Variants in CD9 observed in about 807,000 individuals in gnomAD.
CD9 encodes CD9 antigen.
In CD9, 10 loss-of-function variants were observed where a neutral mutation model predicts 31.4. The observed-to-expected ratio is 0.32, with a 90% CI of 0.20 to 0.54. The LOEUF (loss-of-function observed/expected upper bound fraction) is 0.54. CD9 is among the 20% of genes least tolerant of loss of function. The pLI is 0.94. For synonymous variants in CD9, 113 were observed against 114.1 expected (o/e 0.99, Z 0.06); for missense variants, 259 against 300.1 (o/e 0.86, Z 1.01).
Position 6,200,479 on chromosome 12 carries a change from C to T in CD9, c.-21C>T. 2.5e-6 allele frequency: 4 copies of T among 1,595,532 alleles called. No homozygotes were observed. The highest frequency in any genetic ancestry group is 3.4e-6 in the Non-Finnish European group (4 of 1,163,936). ...CCCCCAGTCCCGCACCCGTTCGGCC[C>T]AGGCTAAGTTAGCCCTCACCATGCC... On this transcript the variant is annotated 5_prime_UTR_variant, in exon 1 of 8. Coordinates refer to ENST00000009180, the MANE Select transcript of CD9 (RefSeq NM_001769.4).
At chr12:6,234,403 C>A (rs2136638713) in intron 4 of CD9, 1 of 151,740 alleles carries the variant, frequency 6.6e-6, no homozygotes, top group Admixed American at 6.6e-5. Flanking sequence ...GGACTTCCAT[C>A]TGTAACTGAC....
rs780982929 is a variant in CD9 at position 6,200,452 on chromosome 12, G to GC, written c.-42dup. ...GGTCCCGCCAGTCCCAGCTGCGCGC[G>GC]CCCCCCAGTCCCGCACCCGTTCGGC... On this transcript the variant is annotated 5_prime_UTR_variant, in exon 1 of 8. Coordinates refer to ENST00000009180, the MANE Select transcript of CD9 (RefSeq NM_001769.4). 4.7e-6 allele frequency: 6 copies of GC among 1,280,414 alleles called. No individual in the cohort carries two copies. The highest frequency in any genetic ancestry group is 1.5e-5 in the African/African-American group (1 of 67,908). 79.3% of individuals were successfully genotyped at this position (1,280,414 alleles called of 1,614,324 possible). A position where few individuals can be genotyped will look rare whatever the true frequency, so the allele number is the denominator to read the frequency against.
Position 6,232,294 on chromosome 12 carries a change from C to T in CD9, c.176-338C>T. The T allele has an allele frequency of 5.2e-6, 2 of 386,418 alleles. No homozygotes were observed. Among genetic ancestry groups the T allele is most frequent in the Non-Finnish European group, 9.7e-6 (2 of 206,546 alleles). The allele number at this position is 386,418 out of a possible 1,614,324, so 23.9% of individuals were successfully genotyped here. On this transcript the variant is annotated intron_variant, in intron 2 of 7. Transcript: ENST00000009180. This position sits in a 1 kb window ranked among gnomAD's most constrained non-coding sequence, Gnocchi z 4.8. The stretch of plus-strand genomic sequence containing the variant: ...GATTCATCTTGCTGGAAAGAGCTGA[C>T]AGACTGGACCAGTTTGCATTCCGAA...
Position 6,232,949 on chromosome 12 carries a change from A to T in CD9, c.273+220A>T. The T allele has an allele frequency of 1.4e-6, 1 of 702,432 alleles. No homozygotes were observed. The highest frequency in any genetic ancestry group is 2.6e-6 in the Non-Finnish European group (1 of 384,866). 43.5% of individuals were successfully genotyped at this position (702,432 alleles called of 1,614,324 possible). A position where few individuals can be genotyped will look rare whatever the true frequency, so the allele number is the denominator to read the frequency against. On this transcript the variant is annotated intron_variant, in intron 3 of 7. Transcript: ENST00000009180. This position sits in a 1 kb window ranked among gnomAD's most constrained non-coding sequence, Gnocchi z 4.8. ...TCGCTTCCCCTAGGCAACTAAAAGG[A>T]CTATGTTTCCCCCTTTTCTCGAGGA...
chr12:6,220,747 G>T (rs1245323484), intron 1 of CD9, among the ~76,000 whole-genome samples: 2 of 152,148 alleles, frequency 1.3e-5, no homozygotes, highest in Admixed American at 1.3e-4. Flanking sequence ...AATAATTTTA[G>T]ATCTACAGAA....
chr12:6,227,631 C>G (rs1384961224), intron 2 of CD9, among the ~76,000 whole-genome samples: 1 of 152,134 alleles, frequency 6.6e-6, no homozygotes, highest in Non-Finnish European at 1.5e-5. Flanking sequence ...AAACCGAGGC[C>G]TAGAGAGCTG....
At chr12:6,215,262 C>T (rs923708874) in intron 1 of CD9, among the ~76,000 whole-genome samples, 9 of 152,162 alleles carry the variant, frequency 5.9e-5, no homozygotes, top group African/African-American at 2.2e-4. Context: ...TCAGGCTTTT[C>T]GGCACTGGCA....
At chr12:6,229,921 A>G (rs1344075321) in intron 2 of CD9, among the ~76,000 whole-genome samples, 3 of 151,610 alleles carry the variant, frequency 2.0e-5, no homozygotes, top group African/African-American at 7.3e-5. Context: ...AGGCTCTGTG[A>G]TGGATAACTT....
At chr12:6,210,133 C>A (rs1424381124) in intron 1 of CD9, among the ~76,000 whole-genome samples, 1 of 143,434 alleles carries the variant, frequency 7.0e-6, no homozygotes, top group Admixed American at 7.4e-5. Flanking sequence ...CACAGAGAGG[C>A]CTGTGCTGAT....
upstream of CD9, chr12:6,200,394 G>A (rs533854109): frequency 2.0e-5 from 15 of 744,608 alleles, no homozygotes; most frequent in South Asian, 1.5e-4. Flanking sequence ...CCGGAGACCA[G>A]CCTACAGCCG....
intron 1 of CD9, among the ~76,000 whole-genome samples, chr12:6,223,437 A>G (rs568867355): frequency 3.2e-4 from 49 of 151,666 alleles, no homozygotes; most frequent in African/African-American, 9.2e-4. Context: ...AATTTTTTGT[A>G]TTTTTAGTGG....
In CD9 at chr12:6,225,326, G is replaced by C; in HGVS notation, c.67-100G>C. 3 of 765,876 alleles carry C rather than the reference G, an allele frequency of 3.9e-6. No homozygotes were observed. The Admixed American group carries it at 5.5e-5, about 14-fold the overall frequency. 47.4% of individuals were successfully genotyped at this position (765,876 alleles called of 1,614,324 possible). A position where few individuals can be genotyped will look rare whatever the true frequency, so the allele number is the denominator to read the frequency against. On this transcript the variant is annotated intron_variant, in intron 1 of 7. Transcript: ENST00000009180. Reference sequence around the variant, plus strand: ...GCGTATATGAGGGGCAGAGACCAAGGGTGGTCACAAAGTCCTTTGCAAGTC... The same window carrying C: ...GCGTATATGAGGGGCAGAGACCAAGCGTGGTCACAAAGTCCTTTGCAAGTC...
rs1946353442 is a variant in CD9 at position 6,225,515 on chromosome 12, T to C, written c.156T>C (p.Asn52=). 2 of 1,606,848 alleles carry C rather than the reference T, an allele frequency of 1.2e-6. No homozygotes were observed. The highest frequency in any genetic ancestry group is 4.5e-5 in the East Asian group (2 of 44,844). The change falls in exon 2 of 8, where the codon AAT becomes AAC. Residue 52 remains asparagine (N), a synonymous_variant. Transcript: ENST00000009180. ...TCTTCGAGCAAGAAACTAATAATAA[T>C]AATTCCAGCTTCTACACAGGTGAGG... ...KSIFEQETNN[N]NSSFYTGVYI...
intron 1 of CD9, among the ~76,000 whole-genome samples, chr12:6,208,649 G>T (rs946317736): frequency 6.6e-6 from 1 of 151,706 alleles, no homozygotes; most frequent in Admixed American, 6.6e-5. Context: ...GCAGCTCACC[G>T]CAACCTCCGC....
chr12:6,207,670 G>T (rs1223141750), intron 1 of CD9, among the ~76,000 whole-genome samples: 1 of 152,202 alleles, frequency 6.6e-6, no homozygotes, highest in Non-Finnish European at 1.5e-5. Flanking sequence ...AATGTCTCAG[G>T]AGGGATCATT....
chr12:6,221,492 A>G (rs955462706), intron 1 of CD9, among the ~76,000 whole-genome samples: 1 of 152,182 alleles, frequency 6.6e-6, no homozygotes, highest in African/African-American at 2.4e-5. Flanking sequence ...CATCGAAGAA[A>G]TTACATGGTC....
At position 6,236,087 on chromosome 12, in the gene CD9, C is replaced by T. The variant is rs1946518638; in HGVS notation, c.538-105C>T. 3.2e-6 allele frequency: 5 copies of T among 1,540,364 alleles called. No homozygotes were observed. In the Admixed American group the frequency reaches 7.8e-5, roughly 24 times the overall value. On this transcript the variant is annotated intron_variant, in intron 6 of 7. Coordinates refer to ENST00000009180, the MANE Select transcript of CD9 (RefSeq NM_001769.4). ...CCGAACACTCCTGTCCCCAGCCCACCCTCTGCCCACCAGTTCTCCCGGGTG... is the reference window on the plus strand; with the variant it reads ...CCGAACACTCCTGTCCCCAGCCCACTCTCTGCCCACCAGTTCTCCCGGGTG...
chr12:6,216,212 T>G (rs1169287832), intron 1 of CD9, among the ~76,000 whole-genome samples: 1 of 152,222 alleles, frequency 6.6e-6, no homozygotes, highest in Non-Finnish European at 1.5e-5. Flanking sequence ...GACTTGTTTT[T>G]AAATGTTGAA....
At chr12:6,214,344 CT>C (rs71450123) in intron 1 of CD9, among the ~76,000 whole-genome samples, 1,874 of 66,940 alleles carry the variant, frequency 0.028, 12 homozygotes, top group Middle Eastern at 0.05. Flanking sequence ...CCATTAGCCT[CT>C]TTTTTTTTTT....
Sources: allele counts gnomAD v4.1 joint callset (sites outside exome capture counted in the v4.1 genomes callset), GRCh38; gene constraint gnomAD v4.1.1; non-coding constraint Gnocchi (gnomAD v3.1); transcripts MANE v1.5; gene names NCBI Gene and HGNC (gene_info 2026-07-23, HGNC 2026-07-21).